Variants in DTNB observed in about 807,000 individuals in gnomAD.
The protein encoded by DTNB is DTN-B.
A neutral mutation model predicts 90.7 loss-of-function variants in DTNB; 63 were observed. The ratio of observed to expected loss-of-function variants is 0.69; its 90% CI spans 0.57 to 0.86. DTNB has a LOEUF of 0.86. Ranked by LOEUF, DTNB falls within the 40% of genes least tolerant of loss-of-function variation. The probability of loss-of-function intolerance (pLI) is 0.00; values close to 1 mark genes in which losing one functional copy is unlikely to be tolerated. For synonymous variants in DTNB, 277 were observed against 286.7 expected (o/e 0.97, Z 0.34); for missense variants, 744 against 807.1 (o/e 0.92, Z 0.95).
At chr2:25,435,042 A>C (rs2055242945) in intron 12 of DTNB, among the ~76,000 whole-genome samples, 1 of 152,126 alleles carries the variant, frequency 6.6e-6, no homozygotes, top group South Asian at 2.1e-4. Context: ...CCTTTTTGAG[A>C]CAGAGTCTCA....
intron 10 of DTNB, among the ~76,000 whole-genome samples, chr2:25,460,540 A>C (rs2060768413): frequency 6.6e-6 from 1 of 152,120 alleles, no homozygotes; most frequent in Middle Eastern, 3.2e-3. Context: ...AAAAACTTGC[A>C]AAGGAGGCCA....
At chr2:25,632,006 C>A (rs2075856358) in intron 3 of DTNB, among the ~76,000 whole-genome samples, 1 of 151,948 alleles carries the variant, frequency 6.6e-6, no homozygotes, top group South Asian at 2.1e-4. Context: ...ACCAGCCTGG[C>A]CAACATGGTG....
intron 10 of DTNB, among the ~76,000 whole-genome samples, chr2:25,482,468 CTA>C (rs2065165101): frequency 6.6e-6 from 1 of 152,080 alleles, no homozygotes. Context: ...AAACTCACGA[CTA>C]CCAAAATATT....
At chr2:25,659,639 T>C (rs2082743703) in intron 1 of DTNB, among the ~76,000 whole-genome samples, 1 of 152,072 alleles carries the variant, frequency 6.6e-6, no homozygotes, top group African/African-American at 2.4e-5. Flanking sequence ...TCTATACATA[T>C]AACAACTCAG....
chr2:25,464,314 T>G (rs2061449854), intron 10 of DTNB, among the ~76,000 whole-genome samples: 1 of 152,196 alleles, frequency 6.6e-6, no homozygotes, highest in Non-Finnish European at 1.5e-5. Context: ...GCCTGGAGCA[T>G]GTTGTAATGC....
At chr2:25,525,641 A>G (rs2150851130) in intron 9 of DTNB, among the ~76,000 whole-genome samples, 1 of 152,274 alleles carries the variant, frequency 6.6e-6, no homozygotes, top group South Asian at 2.1e-4. Flanking sequence ...CGTCTCAAAA[A>G]AAAAAGAAAA....
chr2:25,402,250 A>C (rs2043921747), intron 16 of DTNB, among the ~76,000 whole-genome samples: 1 of 152,146 alleles, frequency 6.6e-6, no homozygotes, highest in African/African-American at 2.4e-5. Flanking sequence ...TAACCGCCTC[A>C]CACGACAAGA....
chr2:25,579,940 G>GTTGTAT (rs2061301326), intron 7 of DTNB, among the ~76,000 whole-genome samples: 1 of 146,136 alleles, frequency 6.8e-6, no homozygotes, highest in Non-Finnish European at 1.5e-5. Flanking sequence ...TATAGCTGAA[G>GTTGTAT]TTGTATGATC....
Position 25,461,976 on chromosome 2 carries a change from T to C in DTNB, c.1080-6482A>G, listed in dbSNP as rs564120953. Among the ~76,000 whole-genome samples the C allele has an allele frequency of 7.2e-5, 11 of 152,310 alleles. No individual in the cohort carries two copies. In the East Asian group the frequency reaches 2.1e-3, roughly 29 times the overall value. ...ATCGGCACATTCCCAAGGCATCCCC[T>C]AGCTCTAAGCCAATGCTAATGATGA... On this transcript the variant is annotated intron_variant, in intron 10 of 20. Coordinates refer to ENST00000406818, the MANE Select transcript of DTNB (RefSeq NM_021907.5).
At chr2:25,618,402 A>C (rs962569076) in intron 4 of DTNB, among the ~76,000 whole-genome samples, 4 of 152,206 alleles carry the variant, frequency 2.6e-5, no homozygotes, top group African/African-American at 9.7e-5. Context: ...GTCAAGTTGA[A>C]ACTGAATAAT....
At chr2:25,419,430 GGAGAA>G in intron 16 of DTNB, 80 bp downstream of exon 16, 1 of 1,538,708 alleles carries the variant, frequency 6.5e-7, no homozygotes, top group Non-Finnish European at 8.8e-7. Context: ...TGATGTGCGG[GGAGAA>G]GAGGAGAAAC....
chr2:25,647,653 T>C (rs899923512), intron 2 of DTNB, among the ~76,000 whole-genome samples: 3 of 152,128 alleles, frequency 2.0e-5, no homozygotes, highest in African/African-American at 7.2e-5. Flanking sequence ...GGTGGGAGGA[T>C]CGCTTGAGCC....
intron 4 of DTNB, among the ~76,000 whole-genome samples, chr2:25,613,435 C>T (rs2148577003): frequency 1.3e-5 from 2 of 152,214 alleles, no homozygotes; most frequent in Middle Eastern, 3.4e-3. Context: ...GTCTACTGTT[C>T]CCATGTTTAT....
chr2:25,433,907 T>C lies in DTNB; in HGVS notation c.1343+3A>G. 2.5e-6 allele frequency: 4 copies of C among 1,613,774 alleles called. No individual in the cohort carries two copies. The highest frequency in any genetic ancestry group is 1.7e-6 in the Non-Finnish European group (2 of 1,179,750). ...GAAGTGGGCTCAGCCTCTGCGTTCT[T>C]ACCTGTTTTTGTTTTCCAGTTCTGC... On this transcript the variant is annotated splice_donor_region_variant and intron_variant, in intron 13 of 20. Transcript: ENST00000406818.
At chr2:25,451,121 C>A (rs557334187) in intron 12 of DTNB, among the ~76,000 whole-genome samples, 1 of 152,292 alleles carries the variant, frequency 6.6e-6, no homozygotes, top group East Asian at 1.9e-4. Context: ...ATTTACTTAT[C>A]TGTTCTACTA....
rs3839047 is a variant in DTNB, at chr2:25,483,002, AG to A, written c.1002-130del. ...GGTAAGCACAGACGGACCCATGGGG[AG>A]GGGGGGGACCCATGGGGAAGGGGAG... On this transcript the variant is annotated intron_variant, in intron 9 of 20. Transcript: ENST00000406818. The A allele has an allele frequency of 2.1e-3, 1,308 of 632,150 alleles. 44 individuals carry two copies. In the East Asian group the frequency reaches 0.09, roughly 44 times the overall value. 39.2% of individuals were successfully genotyped at this position (632,150 alleles called of 1,614,324 possible).
intron 14 of DTNB, chr2:25,427,858 A>T (rs2052387756): frequency 5.4e-6 from 2 of 370,848 alleles, no homozygotes; most frequent in Non-Finnish European, 9.6e-6. Flanking sequence ...AGATGACTAT[A>T]TAAAGGTATT....
chr2:25,460,796 T>C (rs946200984), intron 10 of DTNB, among the ~76,000 whole-genome samples: 9 of 152,218 alleles, frequency 5.9e-5, no homozygotes, highest in African/African-American at 2.2e-4. Flanking sequence ...AGAACAGAAA[T>C]TGAAGTTTCT....
chr2:25,634,413 G>C (rs575742742), intron 3 of DTNB, among the ~76,000 whole-genome samples: 1 of 91,544 alleles, frequency 1.1e-5, no homozygotes, highest in African/African-American at 3.8e-5. Flanking sequence ...CCGGCCACCC[G>C]CCCCGTCCGG....
Sources: allele counts gnomAD v4.1 joint callset (sites outside exome capture counted in the v4.1 genomes callset), GRCh38; gene constraint gnomAD v4.1.1; transcripts MANE v1.5; gene names NCBI Gene and HGNC (gene_info 2026-07-23, HGNC 2026-07-21).